Variants in ZNF354A observed in about 807,000 individuals in gnomAD.
The protein encoded by ZNF354A is zinc finger protein 354A.
ZNF354A carries 25 observed loss-of-function variants against 53.3 expected under a neutral mutation model. The observed-to-expected ratio is 0.47, with a 90% CI of 0.34 to 0.66. The LOEUF is 0.66. Among genes scored for constraint, ZNF354A ranks in the 30% least tolerant of loss-of-function variants. The pLI, the probability that ZNF354A is intolerant of heterozygous loss-of-function variation, is 0.01. For synonymous variants in ZNF354A, 228 were observed against 249.0 expected (o/e 0.92, Z 0.79); for missense variants, 586 against 716.8 (o/e 0.82, Z 2.08).
In ZNF354A at chr5:178,713,414, A is replaced by G. The variant is rs778986209; in HGVS notation, c.464T>C (p.Ile155Thr). 6.2e-7 allele frequency: 1 copy of G among 1,613,062 alleles called. No individual in the cohort carries two copies. Among genetic ancestry groups the G allele is most frequent in the Non-Finnish European group, 8.5e-7 (1 of 1,179,860 alleles). Residue 155 changes from isoleucine to threonine, a missense_variant, in exon 5 of 5, where the codon ATA (isoleucine) becomes ACA (threonine). Transcript: ENST00000335815. ...TTCAGTATTTTTATGGCTTCTTTCTATAGTGGGGATTTTTTTGTGGGTGGC... is the reference window on the plus strand; with the variant it reads ...TTCAGTATTTTTATGGCTTCTTTCTGTAGTGGGGATTTTTTTGTGGGTGGC... ...VSATHKKIPT[I>T]ERSHKNTELS...
At chr5:178,714,253 C>T (rs1270501890) in intron 4 of ZNF354A, among the ~76,000 whole-genome samples, 1 of 152,098 alleles carries the variant, frequency 6.6e-6, no homozygotes, top group Non-Finnish European at 1.5e-5. Flanking sequence ...GATCTACCCA[C>T]CTCGGCCTCC....
At chr5:178,725,332 G>T in intron 4 of ZNF354A, 44 bp downstream of exon 4, 1 of 1,584,284 alleles carries the variant, frequency 6.3e-7, no homozygotes, top group South Asian at 1.1e-5. Flanking sequence ...TCATTAACCA[G>T]ACCATTGTCT....
chr5:178,712,347 T>G lies in ZNF354A; in HGVS notation c.1531A>C (p.Asn511His). The G allele has an allele frequency of 2.5e-6, 4 of 1,614,104 alleles. No homozygotes were observed. The highest frequency in any genetic ancestry group is 3.4e-6 in the Non-Finnish European group (4 of 1,179,988). ...KTFRCNSSLS[N>H]HQRIHTGEKP... Reference sequence around the variant, plus strand: ...TCTCCAGTATGAATTCTCTGGTGATTACTAAGTGATGAGTTACACCTGAAT... The same window carrying G: ...TCTCCAGTATGAATTCTCTGGTGATGACTAAGTGATGAGTTACACCTGAAT... The change falls in exon 5 of 5, where the codon AAT becomes CAT. Residue 511 changes from asparagine to histidine, a missense_variant. Asn to His is a moderately conservative substitution (Grantham distance 68). Transcript: ENST00000335815.
rs1476524120 is a variant in ZNF354A, at chr5:178,727,082, T to C, written c.77A>G (p.Asp26Gly). The C allele has an allele frequency of 1.2e-6, 2 of 1,614,100 alleles. No individual in the cohort carries two copies. The highest frequency in any genetic ancestry group is 1.7e-6 in the Non-Finnish European group (2 of 1,180,000). ...AGAAGGGGCCAGCTTTCTCCACTCA[T>C]CTCGGGTAAACAGCACAGCCACATC... is the stretch of plus-strand genomic sequence containing the variant. ...FEDVAVLFTR[D>G]EWRKLAPSQR... The change falls in exon 3 of 5, where the codon GAT becomes GGT. Residue 26 changes from aspartate to glycine, a missense_variant. Physicochemically the swap from Asp to Gly is moderately conservative, Grantham distance 94. Around this residue, in one of 2 missense-constraint regions of ZNF354A, gnomAD observed 13 missense variants for 36.7 expected, o/e 0.35. Transcript: ENST00000335815.
At chr5:178,715,553 T>C (rs774649962) in intron 4 of ZNF354A, among the ~76,000 whole-genome samples, 1 of 152,182 alleles carries the variant, frequency 6.6e-6, no homozygotes, top group Non-Finnish European at 1.5e-5. Context: ...AGTGATCAAA[T>C]TTTAATACAT....
rs1212377728 is a variant in ZNF354A, at chr5:178,713,461, CT to C, written c.416del (p.Lys139ArgfsTer6). ...EGRLEKKQDK[K>X]GSFQIVSATH... is the part of the protein sequence containing the mutation. ...TGGCTGAAACTATCTGAAAACTTCC[CT>C]TTTTATCCTGCTTTTTCTCTAATCT... is the stretch of plus-strand genomic sequence containing the variant. On this transcript the variant is annotated frameshift_variant, in exon 5 of 5. Coordinates refer to ENST00000335815, the MANE Select transcript of ZNF354A (RefSeq NM_005649.3). LOFTEE classifies it high-confidence loss of function. 5.0e-6 allele frequency: 8 copies of C among 1,613,466 alleles called. No individual in the cohort carries two copies. The highest frequency in any genetic ancestry group is 6.8e-6 in the Non-Finnish European group (8 of 1,179,922).
intron 2 of ZNF354A, among the ~76,000 whole-genome samples, chr5:178,727,579 ACT>A (rs1221884431): frequency 6.6e-6 from 1 of 152,180 alleles, no homozygotes; most frequent in Non-Finnish European, 1.5e-5. Flanking sequence ...AACTGAAGGT[ACT>A]CTCTATGTGC....
In ZNF354A at chr5:178,713,058, C is replaced by G; in HGVS notation, c.820G>C (p.Glu274Gln). The change falls in exon 5 of 5, where the codon GAA (glutamate) becomes CAA (glutamine). Residue 274 changes from glutamate to glutamine, a missense_variant. Around this residue, in one of 2 missense-constraint regions of ZNF354A, gnomAD observed 573 missense variants for 680.1 expected, o/e 0.84. Coordinates refer to ENST00000335815, the MANE Select transcript of ZNF354A (RefSeq NM_005649.3). The stretch of plus-strand genomic sequence containing the variant: ...CTGAGAGTAAAGGCTTTCCCACATT[C>G]TTTACATATGTAGGGTTTCTCTCCA... ...HTGEKPYICKECGKAFTLSTS... is the reference protein window; with the variant it reads ...HTGEKPYICKQCGKAFTLSTS... The G allele has an allele frequency of 6.2e-7, 1 of 1,613,992 alleles. No homozygotes were observed. Among genetic ancestry groups the G allele is most frequent in the Non-Finnish European group, 8.5e-7 (1 of 1,179,916 alleles).
chr5:178,727,003 T>C lies in ZNF354A; in HGVS notation c.156A>G (p.Ser52=), dbSNP rs1329853997. ...VMLENYRNLV[S]LGLPFTKPKV... ...CTAGAGGGAAAATTTCCTTACCCAG[T>C]GAGACCAGGTTCCTATAGTTCTCCA... The change falls in exon 3 of 5, where the codon TCA becomes TCG. Residue 52 remains serine, a synonymous_variant. Transcript: ENST00000335815. 6.2e-7 allele frequency: 1 copy of C among 1,607,670 alleles called. No individual in the cohort carries two copies. The highest frequency in any genetic ancestry group is 8.5e-7 in the Non-Finnish European group (1 of 1,177,958).
At position 178,712,421 on chromosome 5, in the gene ZNF354A, C is replaced by T. The variant is rs765663290; in HGVS notation, c.1457G>A (p.Arg486Lys). 1 of 1,613,900 alleles carries T rather than the reference C, an allele frequency of 6.2e-7. No individual in the cohort carries two copies. Among genetic ancestry groups the T allele is most frequent in the East Asian group, 2.2e-5 (1 of 44,870 alleles). The change falls in exon 5 of 5, where the codon AGA (arginine) becomes AAA (lysine). Residue 486 changes from arginine to lysine, a missense_variant. By Grantham distance (26) the Arg-to-Lys change is conservative (BLOSUM62 2). This residue lies in a region of ZNF354A where 573 missense variants were observed against 680.1 expected (regional missense o/e 0.84). Transcript: ENST00000335815. The part of the protein sequence containing the change: ...RQSSALIQHQ[R>K]MHTGERPYKC... ...ATAGGGTCTTTCTCCAGTATGCATT[C>T]TCTGATGTTGAATGAGAGCTGAACT...
chr5:178,722,672 G>A (rs536102126), intron 4 of ZNF354A, among the ~76,000 whole-genome samples: 2 of 152,250 alleles, frequency 1.3e-5, no homozygotes, highest in Admixed American at 1.3e-4. Context: ...TATACAACTG[G>A]ACGCATACCC....
At chr5:178,716,955 C>G (rs185544990) in intron 4 of ZNF354A, among the ~76,000 whole-genome samples, 1 of 151,216 alleles carries the variant, frequency 6.6e-6, no homozygotes, top group Admixed American at 6.6e-5. Flanking sequence ...GGCACACGCC[C>G]ATAATCCCAG....
At chr5:178,719,451 G>A (rs1235606742) in intron 4 of ZNF354A, among the ~76,000 whole-genome samples, 4 of 152,248 alleles carry the variant, frequency 2.6e-5, no homozygotes, top group Admixed American at 6.5e-5. Context: ...GGGTGCAGCA[G>A]GACGCTGCTG....
chr5:178,728,782 C>CAAAAA (rs1157233878), intron 2 of ZNF354A, among the ~76,000 whole-genome samples: 1,372 of 50,704 alleles, frequency 0.027, 31 homozygotes, highest in South Asian at 0.043. Flanking sequence ...AAGCGAGATT[C>CAAAAA]AAAAAAAAAA....
intron 4 of ZNF354A, among the ~76,000 whole-genome samples, chr5:178,717,755 C>G (rs4246822): frequency 6.6e-6 from 1 of 152,146 alleles, no homozygotes; most frequent in African/African-American, 2.4e-5. Flanking sequence ...TGAAATATTA[C>G]GAGGTTAAGA....
chr5:178,725,025 C>T (rs1434975449), intron 4 of ZNF354A, among the ~76,000 whole-genome samples: 1 of 152,218 alleles, frequency 6.6e-6, no homozygotes, highest in South Asian at 2.1e-4. Flanking sequence ...AAGCACTTAC[C>T]ACGCGGCCCT....
intron 4 of ZNF354A, 128 bp from the exon 5 acceptor site, chr5:178,713,749 A>G: frequency 8.2e-7 from 1 of 1,221,952 alleles, no homozygotes; most frequent in South Asian, 1.9e-5. Context: ...TATGAAAAAA[A>G]TTGCAAAAAG....
chr5:178,713,354 A>T lies in ZNF354A; in HGVS notation c.524T>A (p.Ile175Asn). 1 of 1,614,152 alleles carries T rather than the reference A, an allele frequency of 6.2e-7. No homozygotes were observed. The highest frequency in any genetic ancestry group is 1.1e-5 in the South Asian group (1 of 91,084). The change falls in exon 5 of 5, where the codon ATT (isoleucine) becomes AAT (asparagine). Residue 175 changes from isoleucine to asparagine, a missense_variant. Ile to Asn is a moderately radical substitution (Grantham distance 149). Around this residue, in one of 2 missense-constraint regions of ZNF354A, gnomAD observed 573 missense variants for 680.1 expected, o/e 0.84. Coordinates refer to ENST00000335815, the MANE Select transcript of ZNF354A (RefSeq NM_005649.3). The stretch of plus-strand genomic sequence containing the variant: ...TTCTCTGGGAAGTATCTGTTGCCTA[A>T]TAAGCACTGACTTTGGGCTGAAGTT... ...SQNFSPKSVL[I>N]RQQILPREKT...
intron 4 of ZNF354A, among the ~76,000 whole-genome samples, chr5:178,720,520 T>C (rs1369620355): frequency 1.3e-5 from 2 of 152,154 alleles, no homozygotes; most frequent in Non-Finnish European, 2.9e-5. Flanking sequence ...CTGATGCAGC[T>C]GCAGGCCACG....
Sources: allele counts gnomAD v4.1 joint callset (sites outside exome capture counted in the v4.1 genomes callset), GRCh38; gene constraint gnomAD v4.1.1; regional missense constraint gnomAD v4.1.1; transcripts MANE v1.5; gene names NCBI Gene and HGNC (gene_info 2026-07-23, HGNC 2026-07-21).